FANCC: variants seen among roughly 807,000 people sequenced by gnomAD.
FANCC encodes the protein Fanconi anemia group C protein.
Under a neutral mutation model 71.3 loss-of-function variants are expected in FANCC, and 55 were observed. The observed-to-expected ratio is 0.77, with a 90% confidence interval of 0.62 to 0.97. FANCC has a LOEUF of 0.97. FANCC is among the 50% of genes least tolerant of loss of function. The pLI, the probability that FANCC is intolerant of heterozygous loss-of-function variation, is 0.00. For synonymous variants in FANCC, 275 were observed against 244.9 expected (o/e 1.12, Z -1.15); for missense variants, 678 against 670.9 (o/e 1.01, Z -0.12).
In FANCC at chr9:95,191,073, G is replaced by C. The variant is rs533515859; in HGVS notation, c.346-18926C>G. Among the ~76,000 whole-genome samples the C allele has an allele frequency of 2.6e-5, 4 of 152,222 alleles. No homozygotes were observed. The East Asian group carries it at 5.8e-4, about 22-fold the overall frequency. On this transcript the variant is annotated intron_variant, in intron 4 of 14. Transcript: ENST00000289081. Reference sequence around the variant, plus strand: ...ATGAAGGGCTGGACTCCAGTCTTGAGGTGTCAGGACAGTGGCTTTCAAGAC... The same window carrying C: ...ATGAAGGGCTGGACTCCAGTCTTGACGTGTCAGGACAGTGGCTTTCAAGAC...
intron 1 of FANCC, 38 bp from the exon 2 acceptor site, chr9:95,249,407 G>T (rs1831192965): frequency 4.6e-6 from 5 of 1,098,224 alleles, no homozygotes; most frequent in Non-Finnish European, 6.8e-6. Context: ...TTTCTAAAAG[G>T]CTCTTTTATC....
At chr9:95,220,336 A>G (rs1829157197) in intron 4 of FANCC, among the ~76,000 whole-genome samples, 1 of 152,268 alleles carries the variant, frequency 6.6e-6, no homozygotes, top group Non-Finnish European at 1.5e-5. Flanking sequence ...TAGAACTAGA[A>G]ATACCATTTG....
At chr9:95,107,454 T>G (rs1423328214) in intron 13 of FANCC, 185 bp from the exon 14 acceptor site, 11 of 662,078 alleles carry the variant, frequency 1.7e-5, no homozygotes, top group Non-Finnish European at 2.9e-5. Flanking sequence ...GGAATGGAAA[T>G]TTCTTGACTT....
At chr9:95,251,343 TCTCA>T (rs1312455050) in intron 1 of FANCC, among the ~76,000 whole-genome samples, 1 of 152,136 alleles carries the variant, frequency 6.6e-6, no homozygotes, top group Non-Finnish European at 1.5e-5. Flanking sequence ...TTAGACGAAG[TCTCA>T]CTCTATCTCC....
intron 4 of FANCC, among the ~76,000 whole-genome samples, chr9:95,209,579 T>C (rs1465492191): frequency 6.6e-6 from 1 of 152,214 alleles, no homozygotes; most frequent in Non-Finnish European, 1.5e-5. Context: ...AGCCCATGTA[T>C]GAATTAAAAC....
intron 1 of FANCC, among the ~76,000 whole-genome samples, chr9:95,263,680 C>T (rs1055171828): frequency 1.3e-5 from 2 of 152,034 alleles, no homozygotes; most frequent in East Asian, 1.9e-4. Context: ...ACAACGCCAC[C>T]GCACACTAGT....
Position 95,101,463 on chromosome 9 carries a change from C to G in FANCC, c.*244G>C, listed in dbSNP as rs2071069647. ...AGCTGACGGTCTGGCCGGGCGGGCA[C>G]CAGGAGTACCGAAGGCTCACTTGAG... On this transcript the variant is annotated 3_prime_UTR_variant, in exon 15 of 15. Transcript: ENST00000289081. 3.5e-6 allele frequency: 2 copies of G among 567,860 alleles called. No homozygotes were observed. Among genetic ancestry groups the G allele is most frequent in the Admixed American group, 6.0e-5 (2 of 33,332 alleles). 35.2% of individuals were successfully genotyped at this position (567,860 alleles called of 1,614,324 possible).
chr9:95,180,139 A>G (rs1333208029), intron 4 of FANCC, among the ~76,000 whole-genome samples: 1 of 152,072 alleles, frequency 6.6e-6, no homozygotes, highest in African/African-American at 2.4e-5. Flanking sequence ...GAAAAACTGA[A>G]GCACACACAT....
At position 95,286,293 on chromosome 9, in the gene FANCC, C is replaced by A. The variant is rs4647398; in HGVS notation, c.-79+31233G>T. 3.3e-3 allele frequency among the ~76,000 whole-genome samples: 506 copies of A among 152,292 alleles called. 9 individuals carry two copies. In the East Asian group the frequency reaches 0.043, roughly 13 times the overall value. ...AGTGATCTTTGTGGTTAAACACAAA[C>A]TGCCTTTTCCAAGCCAACTAGGGAA... On this transcript the variant is annotated intron_variant, in intron 1 of 14. Coordinates refer to ENST00000289081, the MANE Select transcript of FANCC (RefSeq NM_000136.3).
chr9:95,108,672 T>C (rs1208191445), intron 13 of FANCC, among the ~76,000 whole-genome samples: 1 of 152,252 alleles, frequency 6.6e-6, no homozygotes, highest in East Asian at 1.9e-4. Flanking sequence ...TAAAGACATA[T>C]ATGCTTACTA....
chr9:95,126,513 A>G lies in FANCC; in HGVS notation c.896+16T>C, dbSNP rs764624750. 3.1e-6 allele frequency: 5 copies of G among 1,612,106 alleles called. No homozygotes were observed. The highest frequency in any genetic ancestry group is 4.2e-6 in the Non-Finnish European group (5 of 1,178,214). On this transcript the variant is annotated intron_variant, in intron 9 of 14. Transcript: ENST00000289081. ...TTTTTTACATCAATTACTAGAAGAA[A>G]CAGTGTAACGTTTACCTGAACATCT... is the stretch of plus-strand genomic sequence containing the variant.
intron 8 of FANCC, among the ~76,000 whole-genome samples, chr9:95,132,005 A>G (rs941144324): frequency 3.9e-5 from 6 of 152,244 alleles, no homozygotes; most frequent in Non-Finnish European, 8.8e-5. Context: ...ATTAAGCCAT[A>G]AAGATTTTTA....
intron 13 of FANCC, 60 bp from the exon 14 acceptor site, chr9:95,107,329 G>A: frequency 6.5e-7 from 1 of 1,545,040 alleles, no homozygotes; most frequent in Non-Finnish European, 8.8e-7. Flanking sequence ...CATACTTCTA[G>A]GATTTATTTA....
In FANCC at chr9:95,227,001, G is replaced by C. The variant is rs75805823; in HGVS notation, c.345+13648C>G. On this transcript the variant is annotated intron_variant, in intron 4 of 14. Coordinates refer to ENST00000289081, the MANE Select transcript of FANCC (RefSeq NM_000136.3). ...AGCTGACGGTTCTGTGGAGACTGCA[G>C]TGCAGCTAAACTTTTTCCTCTGCAC... 3.1e-3 allele frequency among the ~76,000 whole-genome samples: 479 copies of C among 152,194 alleles called. 9 individuals are homozygous for C. The East Asian group carries it at 0.043, about 14-fold the overall frequency.
At position 95,155,136 on chromosome 9, in the gene FANCC, G is replaced by T. The variant is rs566537240; in HGVS notation, c.522-5049C>A. On this transcript the variant is annotated intron_variant, in intron 6 of 14. Coordinates refer to ENST00000289081, the MANE Select transcript of FANCC (RefSeq NM_000136.3). ...GTGGGAGGATGGCTTGAGTCCAGGA[G>T]GTGGAGGTTGGGGTGAGCTGAGATC... is the stretch of plus-strand genomic sequence containing the variant. 3.3e-5 allele frequency among the ~76,000 whole-genome samples: 5 copies of T among 149,794 alleles called. No homozygotes were observed. In the East Asian group the frequency reaches 9.8e-4, roughly 29 times the overall value.
chr9:95,233,316 G>C (rs896053865), intron 4 of FANCC, among the ~76,000 whole-genome samples: 1 of 152,226 alleles, frequency 6.6e-6, no homozygotes, highest in East Asian at 1.9e-4. Flanking sequence ...AATAGTAGAT[G>C]GAGCTGTGGA....
At chr9:95,244,313 T>G (rs938170955) in intron 3 of FANCC, among the ~76,000 whole-genome samples, 14 of 152,238 alleles carry the variant, frequency 9.2e-5, no homozygotes, top group Admixed American at 7.2e-4. Flanking sequence ...AAGTATCTCT[T>G]TTTCCCTGAC....
At chr9:95,132,621 G>A (rs972431250) in intron 8 of FANCC, among the ~76,000 whole-genome samples, 4 of 152,200 alleles carry the variant, frequency 2.6e-5, no homozygotes, top group Admixed American at 2.0e-4. Flanking sequence ...CCAGTCCACC[G>A]CACGGAAGCC....
At chr9:95,108,756 TTAA>T (rs775350993) in intron 13 of FANCC, among the ~76,000 whole-genome samples, 41 of 152,236 alleles carry the variant, frequency 2.7e-4, no homozygotes, top group Non-Finnish European at 5.1e-4. Flanking sequence ...AGACTCACTG[TTAA>T]TAATTCGGTT....
Sources: allele counts gnomAD v4.1 joint callset (sites outside exome capture counted in the v4.1 genomes callset), GRCh38; gene constraint gnomAD v4.1.1; transcripts MANE v1.5; gene names NCBI Gene and HGNC (gene_info 2026-07-23, HGNC 2026-07-21).